The following SLC39A10 variants were observed in gnomAD, a reference collection of about 807,000 sequenced individuals.
SLC39A10 encodes solute carrier family 39 member 10, also known as zinc transporter ZIP10.
A neutral mutation model predicts 65.1 loss-of-function variants in SLC39A10; 13 were observed. The ratio of observed to expected loss-of-function variants is 0.20; its 90% CI spans 0.13 to 0.32. SLC39A10 has a LOEUF of 0.32. Ranked by LOEUF, SLC39A10 falls within the 10% of genes least tolerant of loss-of-function variation. The pLI, the probability that SLC39A10 is intolerant of heterozygous loss-of-function variation, is 1.00. For missense variants in SLC39A10, 831 were observed against 1,018.4 expected, an observed-to-expected ratio of 0.82 and a Z score of 2.50; for synonymous variants, 321 against 342.2, an observed-to-expected ratio of 0.94 and a Z score of 0.68.
intron 2 of SLC39A10, among the ~76,000 whole-genome samples, chr2:195,647,294 AC>A (rs1395321225): frequency 6.8e-6 from 1 of 146,654 alleles, no homozygotes; most frequent in East Asian, 3.4e-4. Context: ...GCCCATGATC[AC>A]GTCACTTGCC....
At chr2:195,687,198 G>A (rs1215145538) in intron 3 of SLC39A10, among the ~76,000 whole-genome samples, 1 of 152,120 alleles carries the variant, frequency 6.6e-6, no homozygotes, top group Non-Finnish European at 1.5e-5. Flanking sequence ...ACTGTGGCAG[G>A]AGAAAGGGGA....
In SLC39A10 at chr2:195,663,464, GT is replaced by G. The variant is rs1235418917; in HGVS notation, c.-12+6185del. ...ATATAAATGAAACAATACATGGTGTGTTACTACATTATAAAATGAGATCAGT... is the reference window on the plus strand; with the variant it reads ...ATATAAATGAAACAATACATGGTGTGTACTACATTATAAAATGAGATCAGT... On this transcript the variant is annotated intron_variant, in intron 1 of 9. Coordinates refer to ENST00000359634, the MANE Select transcript of SLC39A10 (RefSeq NM_020342.3). 1.3e-3 allele frequency among the ~76,000 whole-genome samples: 199 copies of G among 152,174 alleles called. 1 individual carries two copies. The highest frequency in any genetic ancestry group is 2.6e-3 in the Admixed American group (39 of 15,280).
intron 3 of SLC39A10, among the ~76,000 whole-genome samples, chr2:195,699,385 G>T (rs1691093200): frequency 9.1e-6 from 1 of 109,340 alleles, no homozygotes; most frequent in Non-Finnish European, 2.0e-5. Flanking sequence ...TAAGTTTTTG[G>T]TTTGAGATCT....
intron 1 of SLC39A10, among the ~76,000 whole-genome samples, chr2:195,676,555 T>C (rs1397990941): frequency 6.6e-6 from 1 of 152,208 alleles, no homozygotes; most frequent in Non-Finnish European, 1.5e-5. Context: ...AGGTTTTTAA[T>C]GTTCTTGGAA....
chr2:195,634,937 A>G (rs1688666874), intron 2 of SLC39A10, among the ~76,000 whole-genome samples: 1 of 152,054 alleles, frequency 6.6e-6, no homozygotes, highest in South Asian at 2.1e-4. Flanking sequence ...AATCCTAGCT[A>G]CTCGGGAGGC....
In SLC39A10 at chr2:195,716,673, ATGAAAC is replaced by A; in HGVS notation, c.1738_1743del (p.Thr580_Glu581del). ...TCGGTTGTTTCTGAAGATCGACTTA[ATGAAAC>A]TGAACTGACAGATTTAGAAGGCCAA... On this transcript the variant is annotated inframe_deletion, in exon 7 of 10. Coordinates refer to ENST00000359634, the MANE Select transcript of SLC39A10 (RefSeq NM_020342.3). 6.2e-7 allele frequency: 1 copy of A among 1,612,086 alleles called. No homozygotes were observed. Among genetic ancestry groups the A allele is most frequent in the Non-Finnish European group, 8.5e-7 (1 of 1,179,156 alleles).
chr2:195,736,100 A>G lies in SLC39A10; in HGVS notation c.*1059A>G, dbSNP rs1246635534. On this transcript the variant is annotated 3_prime_UTR_variant, in exon 10 of 10. Transcript: ENST00000359634. The stretch of plus-strand genomic sequence containing the variant: ...TAATGTGTACATGAAGTGTCAATTT[A>G]GAACAGTTACTAGGATAAACTCCAT... 2 of 152,626 alleles carry G rather than the reference A, an allele frequency of 1.3e-5. No homozygotes were observed. The highest frequency in any genetic ancestry group is 3.9e-4 in the East Asian group (2 of 5,194). The allele number at this position is 152,626 out of a possible 1,614,324, so 9.5% of individuals were successfully genotyped here.
chr2:195,629,392 C>CA (rs60548307), intron 2 of SLC39A10, among the ~76,000 whole-genome samples: 6,878 of 79,604 alleles, frequency 0.086, 325 homozygotes, highest in African/African-American at 0.19. Flanking sequence ...AGATTCCTTT[C>CA]AAAAAAAAAA....
chr2:195,714,729 A>C (rs1379008433), intron 6 of SLC39A10, among the ~76,000 whole-genome samples: 1 of 152,216 alleles, frequency 6.6e-6, no homozygotes, highest in Admixed American at 6.5e-5. Context: ...TGGTTTATAA[A>C]TCCAAATTTA....
rs1389995230 is a variant in SLC39A10, at chr2:195,680,596, A to G, written c.554A>G (p.His185Arg). 1 of 1,614,186 alleles carries G rather than the reference A, an allele frequency of 6.2e-7. No individual in the cohort carries two copies. The highest frequency in any genetic ancestry group is 1.1e-5 in the South Asian group (1 of 91,082). The change falls in exon 2 of 10, where the codon CAT becomes CGT. Residue 185 changes from histidine to arginine, a missense_variant. Transcript: ENST00000359634. ...CGCCTACGTCATCACCATCGTTTGC[A>G]TCATCATCTTGATCATAACAACACT... is the stretch of plus-strand genomic sequence containing the variant. ...NHRLRHHHRL[H>R]HHLDHNNTHH... is the part of the protein sequence containing the mutation.
intron 1 of SLC39A10, among the ~76,000 whole-genome samples, chr2:195,679,580 A>G (rs748018276): frequency 7.9e-5 from 12 of 152,308 alleles, no homozygotes; most frequent in South Asian, 2.1e-4. Flanking sequence ...AACATGATAT[A>G]GCCATCCGTT....
At chr2:195,658,989 A>G (rs1435879673) in intron 1 of SLC39A10, among the ~76,000 whole-genome samples, 1 of 152,260 alleles carries the variant, frequency 6.6e-6, no homozygotes, top group Non-Finnish European at 1.5e-5. Flanking sequence ...TCTATATTTT[A>G]GTAAAGCATT....
At chr2:195,673,032 CTG>C (rs951665972) in intron 1 of SLC39A10, among the ~76,000 whole-genome samples, 3 of 152,246 alleles carry the variant, frequency 2.0e-5, no homozygotes, top group Admixed American at 2.0e-4. Context: ...ATCCATGAGA[CTG>C]TGAGATTAAA....
chr2:195,710,987 T>C (rs1257836126), intron 5 of SLC39A10, among the ~76,000 whole-genome samples: 1 of 152,152 alleles, frequency 6.6e-6, no homozygotes, highest in Non-Finnish European at 1.5e-5. Context: ...GTGAGGGTCA[T>C]GGCAGAAGAA....
intron 8 of SLC39A10, among the ~76,000 whole-genome samples, chr2:195,723,217 G>A (rs1057023474): frequency 1.3e-5 from 2 of 152,160 alleles, no homozygotes; most frequent in Non-Finnish European, 2.9e-5. Context: ...CTCTGGTGTG[G>A]TAATGGGTTA....
At chr2:195,638,081 G>A (rs1418724670) in intron 2 of SLC39A10, among the ~76,000 whole-genome samples, 1 of 152,154 alleles carries the variant, frequency 6.6e-6, no homozygotes, top group Non-Finnish European at 1.5e-5. Flanking sequence ...TACAGTACAG[G>A]ATGAAGACTG....
At chr2:195,624,827 C>CGAGATCCT (rs975093822) in intron 2 of SLC39A10, among the ~76,000 whole-genome samples, 13 of 135,756 alleles carry the variant, frequency 9.6e-5, no homozygotes, top group Non-Finnish European at 3.1e-5. Context: ...TGCAGTGAGC[C>CGAGATCCT]GAGATCCTGA....
At chr2:195,658,495 G>T (rs1002084085) in intron 1 of SLC39A10, 1 of 152,138 alleles carries the variant, frequency 6.6e-6, no homozygotes, top group Non-Finnish European at 1.5e-5. Context: ...TTTTACATTG[G>T]AACTGAGTCA....
chr2:195,735,243 G>T lies in SLC39A10; in HGVS notation c.*202G>T, dbSNP rs1301320810. 7.3e-6 allele frequency: 3 copies of T among 412,510 alleles called. No homozygotes were observed. The highest frequency in any genetic ancestry group is 1.3e-5 in the Non-Finnish European group (3 of 237,684). 25.6% of individuals were successfully genotyped at this position (412,510 alleles called of 1,614,324 possible). On this transcript the variant is annotated 3_prime_UTR_variant, in exon 10 of 10. Coordinates refer to ENST00000359634, the MANE Select transcript of SLC39A10 (RefSeq NM_020342.3). ...GGGGTCTTTTAAAAATATAAAGCTT[G>T]TGATAAAGAGAGGAGAATATGGGAC...
Sources: gnomAD v4.1 joint callset for allele counts (sites outside exome capture counted in the v4.1 genomes callset) on GRCh38, gnomAD v4.1.1 for gene constraint, MANE v1.5 for transcripts, NCBI Gene and HGNC (gene_info 2026-07-23, HGNC 2026-07-21) for gene names.